Variants in TENT2 observed in about 807,000 individuals in gnomAD.
The protein encoded by TENT2 is poly(A) RNA polymerase GLD2.
TENT2 carries 44 observed loss-of-function variants against 72.2 expected under a neutral mutation model. The ratio of observed to expected loss-of-function variants is 0.61; its 90% CI spans 0.48 to 0.78. TENT2 has a LOEUF of 0.78. Among genes scored for constraint, TENT2 ranks in the 30% least tolerant of loss-of-function variants. The probability of loss-of-function intolerance (pLI) is 0.00; values close to 1 mark genes in which losing one functional copy is unlikely to be tolerated. For synonymous variants in TENT2, 212 were observed against 192.5 expected (o/e 1.10, Z -0.84); for missense variants, 541 against 569.6 (o/e 0.95, Z 0.51).
At chr5:79,640,468 A>G (rs1783593664) in intron 4 of TENT2, among the ~76,000 whole-genome samples, 1 of 152,174 alleles carries the variant, frequency 6.6e-6, no homozygotes, top group East Asian at 1.9e-4. Context: ...TTTGCCACTC[A>G]CATATTGTTT....
At chr5:79,619,557 T>C in intron 1 of TENT2, 55 bp from the exon 2 acceptor site, 1 of 1,231,310 alleles carries the variant, frequency 8.1e-7, no homozygotes. Flanking sequence ...GTTATCAAAG[T>C]GTTTAGTGTC....
intron 4 of TENT2, among the ~76,000 whole-genome samples, chr5:79,628,188 G>T (rs1387871822): frequency 6.6e-6 from 1 of 152,162 alleles, no homozygotes; most frequent in Non-Finnish European, 1.5e-5. Flanking sequence ...GTCATTACTG[G>T]CATTGTGCTC....
chr5:79,654,338 G>A (rs890588156), intron 10 of TENT2, among the ~76,000 whole-genome samples: 6 of 152,050 alleles, frequency 3.9e-5, no homozygotes, highest in African/African-American at 7.2e-5. Context: ...GGCTGAGGCA[G>A]TAGAATCACT....
intron 12 of TENT2, among the ~76,000 whole-genome samples, chr5:79,674,493 A>G (rs901874636): frequency 6.6e-6 from 1 of 152,226 alleles, no homozygotes; most frequent in African/African-American, 2.4e-5. Context: ...ATTATAATCC[A>G]GTTGGGGTGG....
At chr5:79,669,599 G>A (rs1284143125) in intron 12 of TENT2, among the ~76,000 whole-genome samples, 1 of 152,092 alleles carries the variant, frequency 6.6e-6, no homozygotes, top group Non-Finnish European at 1.5e-5. Context: ...GTGGAGTTAG[G>A]AGTTACTTGC....
chr5:79,641,280 A>T (rs1784231522), intron 6 of TENT2, 84 bp downstream of exon 6: 2 of 1,218,928 alleles, frequency 1.6e-6, no homozygotes, highest in East Asian at 2.7e-5. Context: ...GAGGGAAAAA[A>T]CTTGCTTTGT....
rs1826366057 is a variant in TENT2, at chr5:79,687,389, G to A, written c.*2116G>A. Among the ~76,000 whole-genome samples the A allele has an allele frequency of 6.6e-6, 1 of 151,964 alleles. No homozygotes were observed. Among genetic ancestry groups the A allele is most frequent in the Non-Finnish European group, 1.5e-5 (1 of 67,996 alleles). On this transcript the variant is annotated 3_prime_UTR_variant, in exon 15 of 15. Coordinates refer to ENST00000453514, the MANE Select transcript of TENT2 (RefSeq NM_001114394.3). ...TATAGTTGTCCCTCAGTATATTGAG[G>A]GATTGATTCCAGGTCAACCCCGTCC... is the stretch of plus-strand genomic sequence containing the variant.
intron 12 of TENT2, among the ~76,000 whole-genome samples, chr5:79,679,152 C>T (rs1170102878): frequency 6.6e-6 from 1 of 152,060 alleles, no homozygotes; most frequent in East Asian, 1.9e-4. Context: ...GATCCACCTG[C>T]CTCAGCCTCC....
chr5:79,668,810 G>C, intron 11 of TENT2, 82 bp from the exon 12 acceptor site: 1 of 1,427,798 alleles, frequency 7.0e-7, no homozygotes, highest in South Asian at 1.5e-5. Flanking sequence ...TTTTCAAAGA[G>C]GAGCCTAGTT....
intron 7 of TENT2, among the ~76,000 whole-genome samples, chr5:79,643,957 A>G (rs948093342): frequency 6.6e-6 from 1 of 151,640 alleles, no homozygotes; most frequent in Non-Finnish European, 1.5e-5. Flanking sequence ...ATTCCTGCTC[A>G]TAAGTTCTAT....
chr5:79,618,721 A>T (rs1414350668), intron 1 of TENT2, among the ~76,000 whole-genome samples: 1 of 152,110 alleles, frequency 6.6e-6, no homozygotes, highest in Non-Finnish European at 1.5e-5. Flanking sequence ...AGAAACTCTA[A>T]AAGTATGTGG....
At position 79,676,458 on chromosome 5, in the gene TENT2, G is replaced by A. The variant is rs1342892756; in HGVS notation, c.1209-3121G>A. Among the ~76,000 whole-genome samples, 5 of 152,166 alleles carry A rather than the reference G, an allele frequency of 3.3e-5. No individual in the cohort carries two copies. The East Asian group carries it at 5.8e-4, about 18-fold the overall frequency. On this transcript the variant is annotated intron_variant, in intron 12 of 14. Coordinates refer to ENST00000453514, the MANE Select transcript of TENT2 (RefSeq NM_001114394.3). ...AAATTAGCCAGGCATGGTGGTGGGC[G>A]CCTGTAATCCCAGCTACTCGGGATG...
At chr5:79,645,339 G>A in intron 8 of TENT2, 147 bp downstream of exon 8, 1 of 674,440 alleles carries the variant, frequency 1.5e-6, no homozygotes, top group Admixed American at 3.8e-5. Flanking sequence ...TGTTTGAAAT[G>A]GTTTTTTAAA....
chr5:79,633,288 A>G (rs1047620189), intron 4 of TENT2, among the ~76,000 whole-genome samples: 1 of 152,200 alleles, frequency 6.6e-6, no homozygotes, highest in Non-Finnish European at 1.5e-5. Context: ...TTTATATGCT[A>G]TAATGACCTG....
At position 79,686,667 on chromosome 5, in the gene TENT2, G is replaced by C. The variant is rs1304973771; in HGVS notation, c.*1394G>C. 3 of 151,644 alleles carry C rather than the reference G, an allele frequency of 2.0e-5. No homozygotes were observed. Among genetic ancestry groups the C allele is most frequent in the East Asian group, 3.9e-4 (2 of 5,188 alleles). 9.4% of individuals were successfully genotyped at this position (151,644 alleles called of 1,614,324 possible). A position where few individuals can be genotyped will look rare whatever the true frequency, so the allele number is the denominator to read the frequency against. On this transcript the variant is annotated 3_prime_UTR_variant, in exon 15 of 15. Transcript: ENST00000453514. ...CATTGTTGAGGTGCCTTTTTTTTCT[G>C]TGAAAATCTTTGCTTTGAGATGAGA... is the stretch of plus-strand genomic sequence containing the variant.
chr5:79,658,394 A>T (rs1330189377), intron 11 of TENT2, among the ~76,000 whole-genome samples: 7 of 147,512 alleles, frequency 4.7e-5, no homozygotes, highest in African/African-American at 1.8e-4. Flanking sequence ...TCTTGCTGTG[A>T]TGCCCAGTTT....
chr5:79,649,339 C>A, intron 10 of TENT2, 149 bp downstream of exon 10: 15 of 665,454 alleles, frequency 2.3e-5, no homozygotes, highest in Admixed American at 7.0e-5. Flanking sequence ...TTGCTTTGGA[C>A]AAATGTTTCA....
At chr5:79,676,250 G>A (rs772758387) in intron 12 of TENT2, among the ~76,000 whole-genome samples, 29 of 150,282 alleles carry the variant, frequency 1.9e-4, no homozygotes, top group Non-Finnish European at 3.1e-4. Flanking sequence ...TCTTTATGTC[G>A]CTTAAGACAG....
chr5:79,669,542 G>A (rs1811260439), intron 12 of TENT2, among the ~76,000 whole-genome samples: 2 of 152,024 alleles, frequency 1.3e-5, no homozygotes, highest in Non-Finnish European at 2.9e-5. Flanking sequence ...GTATAATCAG[G>A]CTGGACAGAA....
Sources: gnomAD v4.1 joint callset for allele counts (sites outside exome capture counted in the v4.1 genomes callset) on GRCh38, gnomAD v4.1.1 for gene constraint, MANE v1.5 for transcripts, NCBI Gene and HGNC (gene_info 2026-07-23, HGNC 2026-07-21) for gene names.